CCDC60: variants seen among roughly 807,000 people sequenced by gnomAD.
CCDC60 encodes coiled-coil domain containing 60.
CCDC60 carries 54 observed loss-of-function variants against 63.5 expected under a neutral mutation model. The observed-to-expected ratio is 0.85, with a 90% confidence interval of 0.68 to 1.07. CCDC60 has a LOEUF of 1.07. Among genes scored for constraint, CCDC60 ranks in the 50% least tolerant of loss-of-function variants. The pLI is 0.00. For missense variants in CCDC60, 651 were observed against 684.3 expected (o/e 0.95, Z 0.54); for synonymous variants, 206 against 238.8 (o/e 0.86, Z 1.27).
chr12:119,464,308 C>G (rs889187857), intron 2 of CCDC60, among the ~76,000 whole-genome samples: 7 of 128,172 alleles, frequency 5.5e-5, no homozygotes, highest in African/African-American at 1.2e-4. Context: ...CAACCCCCCC[C>G]CCACTCTTCC....
intron 1 of CCDC60, among the ~76,000 whole-genome samples, chr12:119,353,454 C>G (rs890412490): frequency 3.3e-5 from 5 of 150,514 alleles, no homozygotes; most frequent in Non-Finnish European, 7.4e-5. Flanking sequence ...CTCTCTCTCT[C>G]TCTCACTCTC....
chr12:119,505,965 G>A (rs1027543742), intron 7 of CCDC60, among the ~76,000 whole-genome samples: 12 of 31,766 alleles, frequency 3.8e-4, no homozygotes, highest in Non-Finnish European at 8.6e-4. Flanking sequence ...CTTTTATACT[G>A]TCTTTGAAAT....
intron 1 of CCDC60, among the ~76,000 whole-genome samples, chr12:119,359,652 C>T (rs1444602145): frequency 2.0e-5 from 3 of 151,180 alleles, no homozygotes; most frequent in Non-Finnish European, 4.4e-5. Flanking sequence ...ACAAAGGTCT[C>T]TGGTTTTCCT....
At chr12:119,470,327 G>T (rs886152685) in intron 2 of CCDC60, among the ~76,000 whole-genome samples, 7 of 152,178 alleles carry the variant, frequency 4.6e-5, no homozygotes, top group African/African-American at 7.2e-5. Context: ...GAACTCCTTG[G>T]GGGGTAAATG....
intron 2 of CCDC60, chr12:119,429,519 G>A (rs973726195): frequency 6.6e-6 from 1 of 152,208 alleles, no homozygotes; most frequent in African/African-American, 2.4e-5. Context: ...GCTGAGAGGG[G>A]TAATCTAGGT....
At chr12:119,449,318 T>C (rs777279276) in intron 2 of CCDC60, among the ~76,000 whole-genome samples, 10 of 152,224 alleles carry the variant, frequency 6.6e-5, no homozygotes, top group Non-Finnish European at 1.5e-4. Context: ...AAGAAATAAC[T>C]TTCCTGAGAG....
intron 6 of CCDC60, among the ~76,000 whole-genome samples, chr12:119,501,620 C>G (rs1716441): frequency 1.2e-4 from 18 of 151,956 alleles, no homozygotes; most frequent in African/African-American, 4.3e-4. Flanking sequence ...AGATTTAAGA[C>G]GAGCCTTGGT....
intron 2 of CCDC60, chr12:119,433,597 C>G (rs763266673): frequency 7.3e-5 from 51 of 702,224 alleles, no homozygotes; most frequent in Non-Finnish European, 1.2e-4. Flanking sequence ...CTCCCTGACC[C>G]CATATCCCAG....
At chr12:119,379,450 G>C (rs1955987213) in intron 1 of CCDC60, among the ~76,000 whole-genome samples, 1 of 152,220 alleles carries the variant, frequency 6.6e-6, no homozygotes, top group African/African-American at 2.4e-5. Context: ...CCACAACACT[G>C]TTCTGCACTT....
At chr12:119,351,581 G>T (rs1383966080) in intron 1 of CCDC60, among the ~76,000 whole-genome samples, 1 of 152,166 alleles carries the variant, frequency 6.6e-6, no homozygotes, top group Non-Finnish European at 1.5e-5. Flanking sequence ...AAGGGGAGAT[G>T]CTACAGACTT....
intron 5 of CCDC60, among the ~76,000 whole-genome samples, chr12:119,493,623 C>T (rs1951646842): frequency 6.6e-6 from 1 of 152,100 alleles, no homozygotes; most frequent in African/African-American, 2.4e-5. Context: ...TTGTTAATTC[C>T]ACTGCTAACA....
At chr12:119,535,302 TC>T in intron 13 of CCDC60, among the ~76,000 whole-genome samples, 1 of 152,352 alleles carries the variant, frequency 6.6e-6, no homozygotes, top group African/African-American at 2.4e-5. Context: ...GATTCTTCTC[TC>T]TTTTCTTCTT....
intron 7 of CCDC60, among the ~76,000 whole-genome samples, chr12:119,511,165 C>T (rs1052586739): frequency 2.0e-5 from 3 of 152,156 alleles, no homozygotes; most frequent in Non-Finnish European, 4.4e-5. Context: ...CCATTTATAC[C>T]TTAACCTCCA....
intron 11 of CCDC60, 54 bp downstream of exon 11, chr12:119,523,872 A>G (rs943163945): frequency 1.3e-6 from 2 of 1,576,446 alleles, no homozygotes; most frequent in Non-Finnish European, 8.7e-7. Context: ...GGTACCTACT[A>G]TATGCCTGCC....
chr12:119,440,380 A>G (rs1000851986), intron 2 of CCDC60, among the ~76,000 whole-genome samples: 8 of 151,992 alleles, frequency 5.3e-5, no homozygotes, highest in African/African-American at 9.7e-5. Context: ...AATACAAAAA[A>G]TTAGCGGGGC....
At chr12:119,482,419 A>G (rs1951348778) in intron 4 of CCDC60, among the ~76,000 whole-genome samples, 1 of 152,172 alleles carries the variant, frequency 6.6e-6, no homozygotes, top group Non-Finnish European at 1.5e-5. Flanking sequence ...AGGGCCAGAC[A>G]GTAAAAATTT....
chr12:119,455,821 A>C (rs2136291775), intron 2 of CCDC60, among the ~76,000 whole-genome samples: 1 of 149,428 alleles, frequency 6.7e-6, no homozygotes, highest in East Asian at 2.0e-4. Flanking sequence ...GAAGAAAAGG[A>C]GGAGGAAGGA....
chr12:119,378,019 G>T (rs1955971193), intron 1 of CCDC60, among the ~76,000 whole-genome samples: 1 of 152,208 alleles, frequency 6.6e-6, no homozygotes, highest in Non-Finnish European at 1.5e-5. Flanking sequence ...GGGACTTCCA[G>T]CTCCATGGTG....
chr12:119,453,497 G>A (rs528649747), intron 2 of CCDC60, among the ~76,000 whole-genome samples: 5 of 152,340 alleles, frequency 3.3e-5, no homozygotes, highest in African/African-American at 9.6e-5. Flanking sequence ...TGATAACCAA[G>A]CATTTTTCCT....
Sources: gnomAD v4.1 joint callset for allele counts (sites outside exome capture counted in the v4.1 genomes callset) on GRCh38, gnomAD v4.1.1 for gene constraint, MANE v1.5 for transcripts, NCBI Gene and HGNC (gene_info 2026-07-23, HGNC 2026-07-21) for gene names.